REC114: variants seen among roughly 807,000 people sequenced by gnomAD.
REC114 encodes REC114 meiotic recombination protein.
Under a neutral mutation model 31.3 loss-of-function variants are expected in REC114, and 27 were observed. The ratio of observed to expected loss-of-function variants is 0.86; its 90% confidence interval spans 0.64 to 1.19. The LOEUF (loss-of-function observed/expected upper bound fraction) is 1.19. REC114 is among the 50% of genes most tolerant of loss of function. The pLI is 0.00. For missense variants in REC114, 344 were observed against 326.9 expected, an observed-to-expected ratio of 1.05 and a Z score of -0.40; for synonymous variants, 134 against 127.7, an observed-to-expected ratio of 1.05 and a Z score of -0.33.
intron 2 of REC114, among the ~76,000 whole-genome samples, chr15:73,479,971 C>T (rs1050005505): frequency 2.6e-5 from 4 of 152,156 alleles, no homozygotes; most frequent in Admixed American, 2.6e-4. Context: ...ATTGCTGGAT[C>T]ATATGGTAAT....
At chr15:73,518,229 G>A (rs915217362) in intron 2 of REC114, among the ~76,000 whole-genome samples, 4 of 152,178 alleles carry the variant, frequency 2.6e-5, no homozygotes, top group African/African-American at 9.7e-5. Context: ...ACCCAACTCA[G>A]GTTCTTTTAA....
chr15:73,465,648 A>AT (rs558030142), intron 1 of REC114, among the ~76,000 whole-genome samples: 3 of 152,126 alleles, frequency 2.0e-5, no homozygotes, highest in Non-Finnish European at 2.9e-5. Flanking sequence ...TAGAATGAAT[A>AT]TTTTTTTAAC....
chr15:73,514,143 G>C (rs1455657130), intron 2 of REC114, among the ~76,000 whole-genome samples: 17 of 152,004 alleles, frequency 1.1e-4, no homozygotes, highest in Admixed American at 6.5e-4. Context: ...ATATAGTCTC[G>C]TGGTGCGCCG....
chr15:73,460,788 T>C (rs1892979404), intron 1 of REC114, among the ~76,000 whole-genome samples: 2 of 152,164 alleles, frequency 1.3e-5, no homozygotes, highest in South Asian at 4.1e-4. Context: ...CAGAGTGGCC[T>C]TGACTGGTAA....
rs1231197676 is a variant in REC114 at position 73,559,660 on chromosome 15, AATCTTTCCTTAAAGCACT to A, written c.637-89_637-72del. On this transcript the variant is annotated intron_variant, in intron 5 of 5. Coordinates refer to ENST00000331090, the MANE Select transcript of REC114 (RefSeq NM_001042367.2). ...TAATTTTTTTGGTGTGTATTTCGCT[AATCTTTCCTTAAAGCACT>A]ATTTGCCTGTGTTCTATTAGCCAGG... 1.1e-5 allele frequency: 13 copies of A among 1,227,676 alleles called. No individual in the cohort carries two copies. The African/African-American group carries it at 1.9e-4, about 18-fold the overall frequency. The allele number at this position is 1,227,676 out of a possible 1,614,324, so 76.0% of individuals were successfully genotyped here. A position where few individuals can be genotyped will look rare whatever the true frequency, so the allele number is the denominator to read the frequency against.
Position 73,473,870 on chromosome 15 carries a change from C to T in REC114, c.198C>T (p.Leu66=), listed in dbSNP as rs140303255. 3,622 of 1,587,870 alleles carry T rather than the reference C, an allele frequency of 2.3e-3. 22 individuals are homozygous for T. In the Middle Eastern group the frequency reaches 0.035, roughly 16 times the overall value. The change falls in exon 2 of 6, where the codon CTC becomes CTT. Residue 66 remains leucine (L), a synonymous_variant. Coordinates refer to ENST00000331090, the MANE Select transcript of REC114 (RefSeq NM_001042367.2). The part of the protein sequence containing the change: ...DSNEESGYLV[L]TIVISGHFFI... ...ATGAAGAATCTGGATATCTTGTTCT[C>T]ACCATAGTTATATCAGGTCATTTCT...
chr15:73,457,894 C>A (rs1892938879), intron 1 of REC114, among the ~76,000 whole-genome samples: 1 of 152,176 alleles, frequency 6.6e-6, no homozygotes, highest in African/African-American at 2.4e-5. Context: ...GAACTGTGTG[C>A]TTCACACAGT....
intron 4 of REC114, among the ~76,000 whole-genome samples, chr15:73,553,692 G>A (rs1308316367): frequency 6.6e-6 from 1 of 152,172 alleles, no homozygotes; most frequent in Non-Finnish European, 1.5e-5. Context: ...GTGAGCTACA[G>A]CCCCAGATGA....
chr15:73,535,757 A>G (rs1318341501), intron 2 of REC114, among the ~76,000 whole-genome samples: 1 of 149,112 alleles, frequency 6.7e-6, no homozygotes, highest in South Asian at 2.2e-4. Flanking sequence ...GAGGCATCAC[A>G]CTACCTGACT....
intron 5 of REC114, among the ~76,000 whole-genome samples, chr15:73,558,916 C>A (rs4470111): frequency 0.55 from 83,906 of 152,066 alleles, 23,369 homozygotes; most frequent in African/African-American, 0.62. Flanking sequence ...TCAACTGGAG[C>A]ACAGATAACC....
intron 3 of REC114, among the ~76,000 whole-genome samples, chr15:73,544,144 TTC>T (rs1330402777): frequency 3.3e-5 from 5 of 152,202 alleles, no homozygotes; most frequent in Non-Finnish European, 7.4e-5. Context: ...GTAAGGCAGA[TTC>T]TCTTTCAATT....
At chr15:73,496,312 A>C (rs1893523733) in intron 2 of REC114, among the ~76,000 whole-genome samples, 1 of 142,726 alleles carries the variant, frequency 7.0e-6, no homozygotes, top group South Asian at 2.3e-4. Flanking sequence ...AGATCGTGCC[A>C]CTGCAAATTC....
At chr15:73,555,578 TC>T (rs1894454970) in intron 4 of REC114, among the ~76,000 whole-genome samples, 1 of 152,192 alleles carries the variant, frequency 6.6e-6, no homozygotes, top group Non-Finnish European at 1.5e-5. Flanking sequence ...CTCTAGCACT[TC>T]CTGAGTTGCA....
rs1275480412 is a variant in REC114, at chr15:73,556,193, GTGGTATTTTCTTTCTT to G, written c.547-106_547-91del. 10 of 888,696 alleles carry G rather than the reference GTGGTATTTTCTTTCTT, an allele frequency of 1.1e-5. No individual in the cohort carries two copies. In the East Asian group the frequency reaches 2.6e-4, roughly 23 times the overall value. The allele number at this position is 888,696 out of a possible 1,614,324, so 55.1% of individuals were successfully genotyped here. On this transcript the variant is annotated intron_variant, in intron 4 of 5. Transcript: ENST00000331090. ...CTGACAACCATTTTTATCACTCTTA[GTGGTATTTTCTTTCTT>G]TGAACATGAATGCATATTTCTGCTC... is the stretch of plus-strand genomic sequence containing the variant.
intron 1 of REC114, among the ~76,000 whole-genome samples, chr15:73,471,878 C>G (rs1169993858): frequency 1.3e-5 from 2 of 152,038 alleles, no homozygotes; most frequent in African/African-American, 4.8e-5. Flanking sequence ...AGCCAAATGT[C>G]AAATAATTCT....
chr15:73,515,989 CTTTT>C (rs200952058), intron 2 of REC114, among the ~76,000 whole-genome samples: 1 of 143,204 alleles, frequency 7.0e-6, no homozygotes, highest in Non-Finnish European at 1.5e-5. Context: ...CTAGCTTTTT[CTTTT>C]TTTTTTTTTG....
chr15:73,504,245 C>T (rs117884313), intron 2 of REC114, among the ~76,000 whole-genome samples: 7,554 of 152,084 alleles, frequency 0.05, 209 homozygotes, highest in South Asian at 0.093. Flanking sequence ...ACCTCGTGAT[C>T]GCCCTCCTCA....
At chr15:73,534,246 C>T (rs939594772) in intron 2 of REC114, among the ~76,000 whole-genome samples, 2 of 152,114 alleles carry the variant, frequency 1.3e-5, no homozygotes, top group Non-Finnish European at 2.9e-5. Flanking sequence ...AATCCAGGAG[C>T]TGGTTTTTTG....
intron 1 of REC114, among the ~76,000 whole-genome samples, chr15:73,455,027 G>A (rs2151252309): frequency 6.6e-6 from 1 of 152,304 alleles, no homozygotes; most frequent in Non-Finnish European, 1.5e-5. Flanking sequence ...CTTTTGCAGT[G>A]GTTTTGAAAA....
Sources: gnomAD v4.1 joint callset for allele counts (sites outside exome capture counted in the v4.1 genomes callset) on GRCh38, gnomAD v4.1.1 for gene constraint, MANE v1.5 for transcripts, NCBI Gene and HGNC (gene_info 2026-07-23, HGNC 2026-07-21) for gene names.